CD300E: variants seen among roughly 807,000 people sequenced by gnomAD.
The protein encoded by CD300E is CMRF35-like molecule 2.
A neutral mutation model predicts 20.9 loss-of-function variants in CD300E; 14 were observed. The ratio of observed to expected loss-of-function variants is 0.67; its 90% CI spans 0.44 to 1.05. The LOEUF (loss-of-function observed/expected upper bound fraction) is 1.05, where lower values mean the gene tolerates loss of function less well. Ranked by LOEUF, CD300E falls within the 50% of genes least tolerant of loss-of-function variation. The pLI is 0.00. For synonymous variants in CD300E, 102 were observed against 103.7 expected (o/e 0.98, Z 0.10); for missense variants, 237 against 253.9 (o/e 0.93, Z 0.45).
chr17:74,616,451 C>A (rs1331010787), intron 2 of CD300E, among the ~76,000 whole-genome samples: 1 of 152,124 alleles, frequency 6.6e-6, no homozygotes, highest in Non-Finnish European at 1.5e-5. Context: ...TTAAAGCCTG[C>A]CAAGATAATG....
At position 74,617,160 on chromosome 17, in the gene CD300E, A is replaced by G. The variant is rs114508538; in HGVS notation, c.346T>C (p.Ser116Pro). The G allele has an allele frequency of 6.2e-7, 1 of 1,614,230 alleles. No homozygotes were observed. The highest frequency in any genetic ancestry group is 1.3e-5 in the African/African-American group (1 of 75,048). ...CTAACCAGGTCCGAGGGATCGCGTG[A>G]CCATGAATCCAGGACCCACACTGTC... ...IQTVWVLDSW[S>P]RDPSDLVRVY... The change falls in exon 2 of 4, where the codon TCA becomes CCA. Residue 116 changes from serine (S) to proline (P), a missense_variant. Ser to Pro is a moderately conservative substitution (Grantham distance 74). Transcript: ENST00000392619.
At chr17:74,622,892 C>T (rs981363138) in intron 1 of CD300E, among the ~76,000 whole-genome samples, 1 of 152,176 alleles carries the variant, frequency 6.6e-6, no homozygotes, top group African/African-American at 2.4e-5. Context: ...CATGCATCAC[C>T]ACGCCCAGCT....
chr17:74,621,820 T>C (rs1015418330), intron 1 of CD300E, among the ~76,000 whole-genome samples: 3 of 152,198 alleles, frequency 2.0e-5, no homozygotes, highest in Admixed American at 6.5e-5. Flanking sequence ...CCCTTCATCA[T>C]CTTATTTATA....
chr17:74,617,425 A>C lies in CD300E; in HGVS notation c.81T>G (p.Thr27=), dbSNP rs374553290. The change falls in exon 2 of 4, where the codon ACT becomes ACG. Residue 27 remains threonine, a synonymous_variant. Coordinates refer to ENST00000392619, the MANE Select transcript of CD300E (RefSeq NM_181449.3). ...ACCACACTGTCAGAGAGTCCCCCGC[A>C]GTGCCAGTCACAGAGCCGGGGCCCT... ...SLKGPGSVTG[T]AGDSLTVWCQ... 7.4e-6 allele frequency: 12 copies of C among 1,613,946 alleles called. No homozygotes were observed. The highest frequency in any genetic ancestry group is 1.0e-5 in the Non-Finnish European group (12 of 1,180,008).
chr17:74,612,567 T>G lies in CD300E; in HGVS notation c.*86A>C. 1 of 1,521,686 alleles carries G rather than the reference T, an allele frequency of 6.6e-7. No homozygotes were observed. Among genetic ancestry groups the G allele is most frequent in the Admixed American group, 1.8e-5 (1 of 55,130 alleles). The allele number at this position is 1,521,686 out of a possible 1,614,324, so 94.3% of individuals were successfully genotyped here. On this transcript the variant is annotated 3_prime_UTR_variant, in exon 4 of 4. Transcript: ENST00000392619. Reference sequence around the variant, plus strand: ...AATAAATCCCTCCAGAGTCCACAGGTCTCTCGCATCCAGTCTGAAAGGTTG... The same window carrying G: ...AATAAATCCCTCCAGAGTCCACAGGGCTCTCGCATCCAGTCTGAAAGGTTG...
intron 2 of CD300E, among the ~76,000 whole-genome samples, chr17:74,616,847 G>T (rs1449900202): frequency 2.6e-5 from 4 of 152,148 alleles, no homozygotes; most frequent in African/African-American, 9.7e-5. Flanking sequence ...AAACAGCTTT[G>T]GCTCAGCATG....
intron 2 of CD300E, among the ~76,000 whole-genome samples, chr17:74,615,304 G>A (rs1480190118): frequency 6.6e-6 from 1 of 152,194 alleles, no homozygotes; most frequent in African/African-American, 2.4e-5. Flanking sequence ...GCAGGGGGCA[G>A]GGGAATTTGG....
chr17:74,620,096 TG>T (rs2030988823), intron 1 of CD300E, among the ~76,000 whole-genome samples: 1 of 152,248 alleles, frequency 6.6e-6, no homozygotes, highest in African/African-American at 2.4e-5. Context: ...CCCAGCACTT[TG>T]GGAGGCCGAG....
chr17:74,614,089 A>G (rs770831576), intron 2 of CD300E, 56 bp from the exon 3 acceptor site: 5 of 1,318,476 alleles, frequency 3.8e-6, no homozygotes, highest in Non-Finnish European at 5.5e-6. Flanking sequence ...CCATGCACAG[A>G]ACACCCGTAT....
intron 1 of CD300E, among the ~76,000 whole-genome samples, chr17:74,620,104 C>T (rs918800510): frequency 1.1e-4 from 16 of 152,300 alleles, no homozygotes; most frequent in African/African-American, 3.4e-4. Context: ...TTTGGGAGGC[C>T]GAGGCAGGCG....
intron 3 of CD300E, 149 bp from the exon 4 acceptor site, chr17:74,612,922 G>A (rs938724777): frequency 9.2e-7 from 1 of 1,091,490 alleles, no homozygotes; most frequent in South Asian, 1.6e-5. Context: ...CCCCTTCTGT[G>A]GCCCCCATCC....
At chr17:74,618,908 C>T (rs2030961996) in intron 1 of CD300E, among the ~76,000 whole-genome samples, 1 of 152,090 alleles carries the variant, frequency 6.6e-6, no homozygotes, top group South Asian at 2.1e-4. Flanking sequence ...TGGCTCCTGA[C>T]CCCGCACCTT....
At position 74,612,224 on chromosome 17, in the gene CD300E, GCTCTCT is replaced by G. The variant is rs1216264497; in HGVS notation, c.*423_*428del. ...TTTTCTCTCTCTCTCTCTCTCTCTC[GCTCTCT>G]CTCTCTCTCTCTCTCTGTCTCTCTC... On this transcript the variant is annotated 3_prime_UTR_variant, in exon 4 of 4. Coordinates refer to ENST00000392619, the MANE Select transcript of CD300E (RefSeq NM_181449.3). 69 of 94,982 alleles carry G rather than the reference GCTCTCT, an allele frequency of 7.3e-4. No homozygotes were observed. Among genetic ancestry groups the G allele is most frequent in the South Asian group, 3.7e-3 (11 of 2,968 alleles). 5.9% of individuals were successfully genotyped at this position (94,982 alleles called of 1,614,324 possible).
In CD300E at chr17:74,620,886, T is replaced by C. The variant is rs545435698; in HGVS notation, c.40+2696A>G. Among the ~76,000 whole-genome samples, 16 of 151,900 alleles carry C rather than the reference T, an allele frequency of 1.1e-4. No individual in the cohort carries two copies. The East Asian group carries it at 2.5e-3, about 24-fold the overall frequency. On this transcript the variant is annotated intron_variant, in intron 1 of 3. Coordinates refer to ENST00000392619, the MANE Select transcript of CD300E (RefSeq NM_181449.3). ...GGTGAAATCTTGTCTCTACTAAAAA[T>C]ACAAAAATTAGCCAGGTGTGGTGGC...
chr17:74,617,073 C>T (rs867741469), intron 2 of CD300E, 45 bp downstream of exon 2: 1 of 1,544,340 alleles, frequency 6.5e-7, no homozygotes, highest in Non-Finnish European at 8.9e-7. Flanking sequence ...TTCCCTTGTC[C>T]AGTCGCACCC....
intron 1 of CD300E, 125 bp from the exon 2 acceptor site, chr17:74,617,590 G>A (rs2030932527): frequency 1.3e-6 from 1 of 776,170 alleles, no homozygotes; most frequent in African/African-American, 1.7e-5. Flanking sequence ...GAACCTGGAG[G>A]AATACTTGAG....
At position 74,623,684 on chromosome 17, in the gene CD300E, G is replaced by T; in HGVS notation, c.-63C>A. 6.4e-7 allele frequency: 1 copy of T among 1,559,102 alleles called. No homozygotes were observed. ...GGTCCCAGCTGGAATCCAAGTATAT[G>T]TAACGGAGCCTGGGTCATCCACTTT... On this transcript the variant is annotated 5_prime_UTR_variant, in exon 1 of 4. Transcript: ENST00000392619.
At chr17:74,623,539 GCCCCCTGCAAAACCAAGT>G in intron 1 of CD300E, 25 bp downstream of exon 1, 1 of 1,606,748 alleles carries the variant, frequency 6.2e-7, no homozygotes, top group South Asian at 1.1e-5. Flanking sequence ...CTACTGTCCT[GCCCCCTGCAAAACCAAGT>G]CCCCAAAGCC....
chr17:74,613,284 G>C (rs553002783), intron 3 of CD300E, among the ~76,000 whole-genome samples: 1 of 152,260 alleles, frequency 6.6e-6, no homozygotes, highest in African/African-American at 2.4e-5. Context: ...GTATTTCGTA[G>C]TAGAGACAGG....
Sources: gnomAD v4.1 joint callset for allele counts (sites outside exome capture counted in the v4.1 genomes callset) on GRCh38, gnomAD v4.1.1 for gene constraint, MANE v1.5 for transcripts, NCBI Gene and HGNC (gene_info 2026-07-23, HGNC 2026-07-21) for gene names.